Variants in SELP observed in about 807,000 individuals in gnomAD.
SELP encodes the protein P-selectin.
SELP carries 92 observed loss-of-function variants against 104.1 expected under a neutral mutation model. That is an observed-to-expected ratio of 0.88 (90% CI 0.75 to 1.05). SELP has a LOEUF of 1.05. Among genes scored for constraint, SELP ranks in the 50% least tolerant of loss-of-function variants. SELP has a pLI of 0.00. For synonymous variants in SELP, 397 were observed against 364.5 expected (o/e 1.09, Z -1.01); for missense variants, 1,022 against 1,017.3 (o/e 1.00, Z -0.06).
At chr1:169,612,196 T>A (rs369514440) in intron 6 of SELP, 21 bp downstream of exon 6, 6 of 1,611,324 alleles carry the variant, frequency 3.7e-6, no homozygotes, top group Non-Finnish European at 5.1e-6. Context: ...ACATTATACA[T>A]CCCAACTACC....
rs565729651 is a variant in SELP, at chr1:169,617,027, C to A, written c.481+1G>T. The A allele has an allele frequency of 6.9e-6, 11 of 1,593,384 alleles. No homozygotes were observed. Among genetic ancestry groups the A allele is most frequent in the Non-Finnish European group, 9.4e-6 (11 of 1,168,774 alleles). ...AAGTTTCAAAGTAGAGAAGGCCCTA[C>A]CTGTGTAACACAATGCGTGCTTTTT... On this transcript the variant is annotated splice_donor_variant, in intron 3 of 16. Transcript: ENST00000263686. LOFTEE classifies it high-confidence loss of function.
Position 169,619,127 on chromosome 1 carries a change from A to C in SELP, c.94+2T>G. ...TAAGTGAAAAGTTAGCATAAAGTTTACCAGAGATCAGGGCACTGAAGCAAA... is the reference window on the plus strand; with the variant it reads ...TAAGTGAAAAGTTAGCATAAAGTTTCCCAGAGATCAGGGCACTGAAGCAAA... On this transcript the variant is annotated splice_donor_variant, in intron 2 of 16. Transcript: ENST00000263686. LOFTEE classifies it high-confidence loss of function. 1 of 1,610,836 alleles carries C rather than the reference A, an allele frequency of 6.2e-7. No homozygotes were observed.
chr1:169,620,103 G>C (rs1029304791), intron 1 of SELP, among the ~76,000 whole-genome samples: 5 of 152,088 alleles, frequency 3.3e-5, no homozygotes, highest in Non-Finnish European at 2.9e-5. Flanking sequence ...AGCTCCTTGG[G>C]AGGTCGAGGC....
chr1:169,596,548 G>T (rs889208414), intron 11 of SELP, among the ~76,000 whole-genome samples: 4 of 152,324 alleles, frequency 2.6e-5, no homozygotes, highest in African/African-American at 9.6e-5. Context: ...TGCAATGATT[G>T]CTTTCTGTCT....
chr1:169,628,450 T>C (rs1663482630), intron 1 of SELP, among the ~76,000 whole-genome samples: 1 of 152,182 alleles, frequency 6.6e-6, no homozygotes, highest in Admixed American at 6.5e-5. Context: ...TTTGAAATAT[T>C]AAAAACCATT....
intron 1 of SELP, among the ~76,000 whole-genome samples, chr1:169,627,152 C>A (rs761445413): frequency 5.3e-5 from 8 of 152,164 alleles, no homozygotes; most frequent in Non-Finnish European, 8.8e-5. Context: ...AACTATACAA[C>A]TTGTTGGTAG....
intron 8 of SELP, 83 bp downstream of exon 8, chr1:169,609,421 A>G: frequency 7.5e-7 from 1 of 1,338,566 alleles, no homozygotes. Flanking sequence ...TCTGATAAAG[A>G]AAGGCATGCC....
At chr1:169,616,620 TA>T (rs1455780134) in intron 3 of SELP, among the ~76,000 whole-genome samples, 1 of 152,202 alleles carries the variant, frequency 6.6e-6, no homozygotes, top group African/African-American at 2.4e-5. Context: ...GGGGCAGGGC[TA>T]AATTTCCTTC....
At chr1:169,603,518 G>T (rs758460704) in intron 9 of SELP, among the ~76,000 whole-genome samples, 5 of 152,118 alleles carry the variant, frequency 3.3e-5, no homozygotes, top group Non-Finnish European at 5.9e-5. Flanking sequence ...AAGGAAGCTG[G>T]TGCTCTGTTT....
At chr1:169,593,573 A>G in intron 14 of SELP, 32 bp downstream of exon 14, 1 of 1,600,638 alleles carries the variant, frequency 6.2e-7, no homozygotes, top group Non-Finnish European at 8.5e-7. Context: ...TTATGTAACC[A>G]AGATGCAAAG....
At position 169,617,270 on chromosome 1, in the gene SELP, T is replaced by A. The variant is rs768279397; in HGVS notation, c.239A>T (p.Asn80Ile). 6.2e-7 allele frequency: 1 copy of A among 1,614,194 alleles called. No individual in the cohort carries two copies. Among genetic ancestry groups the A allele is most frequent in the Non-Finnish European group, 8.5e-7 (1 of 1,180,028 alleles). ...IQNKNEIDYL[N>I]KVLPYYSSYY... The stretch of plus-strand genomic sequence containing the variant: ...GGAGCTGTAGTAGGGTAGGACCTTA[T>A]TGAGGTAATCAATTTCATTTTTATT... Residue 80 changes from asparagine (N) to isoleucine (I), a missense_variant, in exon 3 of 17, where the codon AAT (asparagine) becomes ATT (isoleucine). Transcript: ENST00000263686.
At position 169,607,139 on chromosome 1, in the gene SELP, G is replaced by A. The variant is rs749057968; in HGVS notation, c.1334-5C>T. 6.3e-7 allele frequency: 1 copy of A among 1,586,666 alleles called. No individual in the cohort carries two copies. The highest frequency in any genetic ancestry group is 8.6e-7 in the Non-Finnish European group (1 of 1,160,278). On this transcript the variant is annotated splice_polypyrimidine_tract_variant and splice_region_variant and intron_variant, in intron 8 of 16. Coordinates refer to ENST00000263686, the MANE Select transcript of SELP (RefSeq NM_003005.4). Reference sequence around the variant, plus strand: ...GGAGATCCTGGCACTGCAAAGCTAAGGGATGAGGAAGTAAGGAATAAAGAA... The same window carrying A: ...GGAGATCCTGGCACTGCAAAGCTAAAGGATGAGGAAGTAAGGAATAAAGAA...
rs1392538489 is a variant in SELP, at chr1:169,612,985, C to T, written c.719G>A (p.Ser240Asn). 20 of 1,613,614 alleles carry T rather than the reference C, an allele frequency of 1.2e-5. No homozygotes were observed. The highest frequency in any genetic ancestry group is 2.5e-6 in the Non-Finnish European group (3 of 1,179,712). ...TCCAGAAGCCAAGCATTCCAGCTTG[C>T]TGGGCCCATTTACTTGGTACCCGTC... ...CTDGYQVNGP[S>N]KLECLASGIW... The change falls in exon 5 of 17, where the codon AGC (serine) becomes AAC (asparagine). Residue 240 changes from serine to asparagine, a missense_variant. Transcript: ENST00000263686.
intron 9 of SELP, among the ~76,000 whole-genome samples, chr1:169,606,566 C>G (rs1662208885): frequency 6.6e-6 from 1 of 151,796 alleles, no homozygotes; most frequent in Non-Finnish European, 1.5e-5. Context: ...AAGTGCCAGA[C>G]CAGCCTTGGG....
chr1:169,615,295 C>T (rs890727685), intron 3 of SELP, among the ~76,000 whole-genome samples: 6 of 152,074 alleles, frequency 3.9e-5, no homozygotes, highest in African/African-American at 9.7e-5. Flanking sequence ...GATGGCAAAA[C>T]GACAATCAAT....
intron 8 of SELP, among the ~76,000 whole-genome samples, chr1:169,608,260 A>G (rs556505328): frequency 6.6e-6 from 1 of 152,020 alleles, no homozygotes; most frequent in Non-Finnish European, 1.5e-5. Context: ...CAGTGGTATT[A>G]AGCACATTCA....
intron 1 of SELP, among the ~76,000 whole-genome samples, chr1:169,625,189 C>T (rs1403881010): frequency 6.6e-6 from 1 of 152,186 alleles, no homozygotes; most frequent in Non-Finnish European, 1.5e-5. Flanking sequence ...GAAGACTTTC[C>T]ACCCTTATCT....
Position 169,591,420 on chromosome 1 carries a change from C to T in SELP, c.2438+6G>A. The T allele has an allele frequency of 6.3e-7, 1 of 1,577,238 alleles. No individual in the cohort carries two copies. Among genetic ancestry groups the T allele is most frequent in the Non-Finnish European group, 8.6e-7 (1 of 1,160,050 alleles). ...TTTACTCAATCATAAAACATTTCTA[C>T]CTTACCTGTGAGGATTCAAGGGGCA... On this transcript the variant is annotated splice_donor_region_variant and intron_variant, in intron 15 of 16. Coordinates refer to ENST00000263686, the MANE Select transcript of SELP (RefSeq NM_003005.4).
At chr1:169,619,041 C>G (rs1291572268) in intron 2 of SELP, 88 bp downstream of exon 2, 1 of 1,089,114 alleles carries the variant, frequency 9.2e-7, no homozygotes, top group Admixed American at 2.2e-5. Context: ...CTCAAACCAA[C>G]TGGCTACAAT....
Sources: allele counts gnomAD v4.1 joint callset (sites outside exome capture counted in the v4.1 genomes callset), GRCh38; gene constraint gnomAD v4.1.1; transcripts MANE v1.5; gene names NCBI Gene and HGNC (gene_info 2026-07-23, HGNC 2026-07-21).